The following PPP3R1 variants were observed in gnomAD, a reference collection of about 807,000 sequenced individuals.
PPP3R1 encodes the protein protein phosphatase 3 regulatory subunit B, alpha.
A neutral mutation model predicts 22.6 loss-of-function variants in PPP3R1; 5 were observed. The ratio of observed to expected loss-of-function variants is 0.22; its 90% CI spans 0.12 to 0.46. The LOEUF (loss-of-function observed/expected upper bound fraction) is 0.46. Ranked by LOEUF, PPP3R1 falls within the 20% of genes least tolerant of loss-of-function variation. PPP3R1 has a pLI of 0.99. For synonymous variants in PPP3R1, 56 were observed against 65.2 expected (o/e 0.86, Z 0.68); for missense variants, 61 against 203.2 (o/e 0.30, Z 4.25).
chr2:68,198,356 T>TAC (rs1358703241), intron 2 of PPP3R1, among the ~76,000 whole-genome samples: 2 of 52,402 alleles, frequency 3.8e-5, no homozygotes, highest in South Asian at 6.1e-4. Flanking sequence ...TATATGCATA[T>TAC]ATATGTACAT....
chr2:68,190,253 CT>C (rs541966794), intron 2 of PPP3R1, among the ~76,000 whole-genome samples: 15,217 of 50,810 alleles, frequency 0.3, 3,201 homozygotes, highest in South Asian at 0.46. Flanking sequence ...GCAAGTTTCT[CT>C]TAAAAAAAAA....
At chr2:68,225,597 G>T (rs1572970012) in intron 1 of PPP3R1, among the ~76,000 whole-genome samples, 1 of 152,210 alleles carries the variant, frequency 6.6e-6, no homozygotes, top group African/African-American at 2.4e-5. Flanking sequence ...GTGAGCTTCT[G>T]ATTTGCAGAA....
chr2:68,182,678 T>G (rs1306075762), intron 5 of PPP3R1, among the ~76,000 whole-genome samples: 72 of 142,686 alleles, frequency 5.0e-4, no homozygotes, highest in Non-Finnish European at 1.7e-4. Flanking sequence ...AAAAAAAAGA[T>G]TAGGCGGCAT....
intron 2 of PPP3R1, among the ~76,000 whole-genome samples, chr2:68,191,991 T>C (rs1417340150): frequency 6.6e-6 from 1 of 152,224 alleles, no homozygotes; most frequent in Non-Finnish European, 1.5e-5. Flanking sequence ...ACTTTTTCAT[T>C]GGTGCTCTGA....
At chr2:68,250,551 T>C (rs778616567) in intron 1 of PPP3R1, among the ~76,000 whole-genome samples, 2 of 152,232 alleles carry the variant, frequency 1.3e-5, no homozygotes, top group Non-Finnish European at 2.9e-5. Context: ...ATAAGGAAAT[T>C]CTATTAAAGC....
intron 2 of PPP3R1, among the ~76,000 whole-genome samples, chr2:68,215,913 C>T (rs914116696): frequency 2.0e-5 from 3 of 152,088 alleles, no homozygotes; most frequent in African/African-American, 7.2e-5. Context: ...AAGTCCTTGT[C>T]TTGTATTAGT....
chr2:68,219,760 CAACTA>C, intron 1 of PPP3R1, among the ~76,000 whole-genome samples: 1 of 152,230 alleles, frequency 6.6e-6, no homozygotes, highest in African/African-American at 2.4e-5. Flanking sequence ...GAGAACCACT[CAACTA>C]AACAAAACCA....
chr2:68,252,455 G>C lies in PPP3R1; in HGVS notation c.-328C>G. 1.0e-6 allele frequency: 1 copy of C among 990,018 alleles called. No individual in the cohort carries two copies. The allele number at this position is 990,018 out of a possible 1,614,324, so 61.3% of individuals were successfully genotyped here. On this transcript the variant is annotated 5_prime_UTR_variant, in exon 1 of 6. Coordinates refer to ENST00000234310, the MANE Select transcript of PPP3R1 (RefSeq NM_000945.4). ...GGCGAAGACGGCCGGGAAACTCGGG[G>C]GCTGCAGCCTCGCGCTCGCGCCGGA... is the stretch of plus-strand genomic sequence containing the variant.
chr2:68,211,784 A>G (rs933275616), intron 2 of PPP3R1, among the ~76,000 whole-genome samples: 1 of 152,234 alleles, frequency 6.6e-6, no homozygotes, highest in African/African-American at 2.4e-5. Flanking sequence ...AGTGGACTCC[A>G]TATCAAGAAA....
In PPP3R1 at chr2:68,224,723, C is replaced by T. The variant is rs551391895; in HGVS notation, c.4-7592G>A. 2.7e-3 allele frequency among the ~76,000 whole-genome samples: 399 copies of T among 149,278 alleles called. 2 individuals are homozygous for T. Among genetic ancestry groups the T allele is most frequent in the African/African-American group, 9.4e-3 (382 of 40,762 alleles). On this transcript the variant is annotated intron_variant, in intron 1 of 5. Coordinates refer to ENST00000234310, the MANE Select transcript of PPP3R1 (RefSeq NM_000945.4). ...CAAAAGAGTGGTACTGGTGTAAGAA[C>T]AGACAAATATCAATTGGACAGAATA...
intron 5 of PPP3R1, among the ~76,000 whole-genome samples, chr2:68,181,526 A>C (rs1041675258): frequency 1.3e-5 from 2 of 151,082 alleles, no homozygotes; most frequent in African/African-American, 2.4e-5. Flanking sequence ...GATAACAGGC[A>C]TTACTTTTTG....
At position 68,180,273 on chromosome 2, in the gene PPP3R1, A is replaced by C. The variant is rs1337789285; in HGVS notation, c.*690T>G. On this transcript the variant is annotated 3_prime_UTR_variant, in exon 6 of 6. Transcript: ENST00000234310. ...TAGCAATGAACTAGACTTTCTCCTCAAGCAGAGGTGTATTAAAAGCTGCTC... is the reference window on the plus strand; with the variant it reads ...TAGCAATGAACTAGACTTTCTCCTCCAGCAGAGGTGTATTAAAAGCTGCTC... 2 of 152,470 alleles carry C rather than the reference A, an allele frequency of 1.3e-5. No individual in the cohort carries two copies. Among genetic ancestry groups the C allele is most frequent in the African/African-American group, 4.8e-5 (2 of 41,462 alleles). 9.4% of individuals were successfully genotyped at this position (152,470 alleles called of 1,614,324 possible).
chr2:68,244,251 G>C (rs986167781), intron 1 of PPP3R1, among the ~76,000 whole-genome samples: 2 of 152,284 alleles, frequency 1.3e-5, no homozygotes, highest in Admixed American at 1.3e-4. Flanking sequence ...CTGTTTTCTA[G>C]ATTTATTTCC....
At position 68,187,238 on chromosome 2, in the gene PPP3R1, T is replaced by A; in HGVS notation, c.280+17A>T. The A allele has an allele frequency of 1.3e-6, 2 of 1,583,312 alleles. No individual in the cohort carries two copies. Among genetic ancestry groups the A allele is most frequent in the Non-Finnish European group, 1.7e-6 (2 of 1,155,918 alleles). ...TGGTAGTATAAGAGAATGAAGTCAG[T>A]GAAGAAAAATACTTACACCTCAATT... On this transcript the variant is annotated intron_variant, in intron 4 of 5. Transcript: ENST00000234310.
rs71395958 is a variant in PPP3R1 at position 68,202,792 on chromosome 2, A to ATTTTTTTTTTTTTTTTTTTTT, written c.44-14123_44-14103dup. Among the ~76,000 whole-genome samples, 5 of 81,228 alleles carry ATTTTTTTTTTTTTTTTTTTTT rather than the reference A, an allele frequency of 6.2e-5. 2 individuals carry two copies. Among genetic ancestry groups the ATTTTTTTTTTTTTTTTTTTTT allele is most frequent in the African/African-American group, 3.1e-4 (5 of 16,158 alleles). The allele number at this position is 81,228 out of a possible 152,430, so 53.3% of individuals were successfully genotyped here. A position where few individuals can be genotyped will look rare whatever the true frequency, so the allele number is the denominator to read the frequency against. On this transcript the variant is annotated intron_variant, in intron 2 of 5. Transcript: ENST00000234310. ...TAATATATACTAGAGAGTTCAGGGA[A>ATTTTTTTTTTTTTTTTTTTTT]TTTTTTTTTTTTTTTTTTTTTTTTT...
chr2:68,239,679 A>G (rs1670082422), intron 1 of PPP3R1, among the ~76,000 whole-genome samples: 1 of 152,142 alleles, frequency 6.6e-6, no homozygotes, highest in African/African-American at 2.4e-5. Flanking sequence ...GGGTGGGGGG[A>G]AAAAACAAGG....
At chr2:68,181,905 G>A (rs1868402) in intron 5 of PPP3R1, among the ~76,000 whole-genome samples, 119,301 of 152,150 alleles carry the variant, frequency 0.78, 47,609 homozygotes, top group African/African-American at 0.94. Flanking sequence ...ATGGTAATGT[G>A]TAAGTGTAGT....
intron 2 of PPP3R1, among the ~76,000 whole-genome samples, chr2:68,198,044 T>G (rs1231786344): frequency 8.7e-6 from 1 of 114,476 alleles, no homozygotes; most frequent in Non-Finnish European, 1.7e-5. Context: ...AAGGCTCCCT[T>G]TACAACGGCA....
chr2:68,251,821 G>C (rs1300677239), intron 1 of PPP3R1, among the ~76,000 whole-genome samples: 2 of 149,864 alleles, frequency 1.3e-5, no homozygotes, highest in South Asian at 4.2e-4. Flanking sequence ...CGGTGCCCGC[G>C]GGGGTCGATG....
Sources: gnomAD v4.1 joint callset for allele counts (sites outside exome capture counted in the v4.1 genomes callset) on GRCh38, gnomAD v4.1.1 for gene constraint, MANE v1.5 for transcripts, NCBI Gene and HGNC (gene_info 2026-07-23, HGNC 2026-07-21) for gene names.